DNM3: variants seen among roughly 807,000 people sequenced by gnomAD.
DNM3 encodes the protein dynamin 3.
In DNM3, 47 loss-of-function variants were observed where a neutral mutation model predicts 101.6. That is an observed-to-expected ratio of 0.46 (90% CI 0.37 to 0.59). The LOEUF is 0.59. Ranked by LOEUF, DNM3 falls within the 20% of genes least tolerant of loss-of-function variation. DNM3 has a pLI of 0.00. For missense variants in DNM3, 849 were observed against 1,085.7 expected, an observed-to-expected ratio of 0.78 and a Z score of 3.06; for synonymous variants, 385 against 387.9, an observed-to-expected ratio of 0.99 and a Z score of 0.09.
At chr1:172,230,643 T>G (rs2061300317) in intron 14 of DNM3, among the ~76,000 whole-genome samples, 1 of 152,198 alleles carries the variant, frequency 6.6e-6, no homozygotes, top group Non-Finnish European at 1.5e-5. Flanking sequence ...TATTACAGCT[T>G]GAATGTTAAA....
At chr1:172,388,937 G>A (rs2069360705) in intron 20 of DNM3, 128 bp downstream of exon 20, 3 of 804,150 alleles carry the variant, frequency 3.7e-6, no homozygotes, top group Non-Finnish European at 3.9e-6. Context: ...TTTTCACAAT[G>A]AACAGAGACT....
intron 19 of DNM3, among the ~76,000 whole-genome samples, chr1:172,387,979 T>C (rs1220645740): frequency 1.3e-5 from 2 of 151,742 alleles, no homozygotes; most frequent in African/African-American, 4.8e-5. Context: ...CACGCCTGTA[T>C]TCCCAGCACT....
chr1:172,348,565 A>G (rs2067052769), intron 17 of DNM3, among the ~76,000 whole-genome samples: 1 of 152,222 alleles, frequency 6.6e-6, no homozygotes, highest in Non-Finnish European at 1.5e-5. Flanking sequence ...AAAATTTTTC[A>G]CACATTTATG....
intron 17 of DNM3, among the ~76,000 whole-genome samples, chr1:172,368,363 C>T (rs1167183594): frequency 6.6e-6 from 1 of 151,754 alleles, no homozygotes. Flanking sequence ...AAACAACATG[C>T]TCCAAAACAA....
At chr1:172,202,145 T>C (rs188604573) in intron 14 of DNM3, among the ~76,000 whole-genome samples, 141 of 152,316 alleles carry the variant, frequency 9.3e-4, no homozygotes, top group Non-Finnish European at 1.6e-3. Context: ...TTCCTCTCCA[T>C]GAGAGGCATG....
rs372595171 is a variant in DNM3 at position 172,281,091 on chromosome 1, G to GTGTA, written c.1769+27410_1769+27411insGTAT. ...ATTGTGTGTGTGTGTGTGTGTGTGT[G>GTGTA]TATGTGTGATAATGGAGAGAGTGTG... is the stretch of plus-strand genomic sequence containing the variant. On this transcript the variant is annotated intron_variant, in intron 15 of 20. Coordinates refer to ENST00000627582, the MANE Select transcript of DNM3 (RefSeq NM_015569.5). Among the ~76,000 whole-genome samples, 710 of 151,986 alleles carry GTGTA rather than the reference G, an allele frequency of 4.7e-3. 3 individuals are homozygous for GTGTA. The highest frequency in any genetic ancestry group is 0.016 in the African/African-American group (671 of 41,388).
chr1:172,127,221 G>A (rs1230709789), intron 13 of DNM3, among the ~76,000 whole-genome samples: 6 of 151,782 alleles, frequency 4.0e-5, no homozygotes, highest in Admixed American at 1.3e-4. Flanking sequence ...TGCTCCTCAC[G>A]AAGGACTTAC....
chr1:172,261,568 G>A (rs1301402773), intron 15 of DNM3, among the ~76,000 whole-genome samples: 1 of 152,240 alleles, frequency 6.6e-6, no homozygotes, highest in Non-Finnish European at 1.5e-5. Flanking sequence ...CCTCCAGGTT[G>A]CTTTCTCAGA....
At chr1:172,053,257 G>A (rs182099290) in intron 10 of DNM3, among the ~76,000 whole-genome samples, 1 of 151,560 alleles carries the variant, frequency 6.6e-6, no homozygotes, top group East Asian at 1.9e-4. Flanking sequence ...TCCTTCTTTT[G>A]ACATTTGCAT....
chr1:172,156,256 A>G (rs2058333382), intron 14 of DNM3, among the ~76,000 whole-genome samples: 1 of 152,062 alleles, frequency 6.6e-6, no homozygotes, highest in Admixed American at 6.6e-5. Context: ...TGACCACCCC[A>G]GTGTTTATGG....
intron 14 of DNM3, among the ~76,000 whole-genome samples, chr1:172,154,948 AT>A (rs1462551418): frequency 6.6e-6 from 1 of 152,094 alleles, no homozygotes; most frequent in East Asian, 1.9e-4. Context: ...CTAAGTTTTA[AT>A]ATAGCTATTT....
chr1:172,033,205 G>T lies in DNM3; in HGVS notation c.789G>T (p.Pro263=), dbSNP rs749873284. Residue 263 remains proline, a synonymous_variant, in exon 6 of 21, where the codon CCG becomes CCT. Transcript: ENST00000627582. ...LAERKFFLSH[P]AYRHIADRMG... ...AGAGGAAGTTTTTCCTTTCCCACCC[G>T]GCTTACAGACATATCGCTGACCGAA... The T allele has an allele frequency of 1.2e-6, 2 of 1,608,772 alleles. No individual in the cohort carries two copies. The highest frequency in any genetic ancestry group is 2.2e-5 in the South Asian group (2 of 89,810).
intron 14 of DNM3, among the ~76,000 whole-genome samples, chr1:172,170,960 T>C (rs1231860555): frequency 1.3e-5 from 2 of 151,818 alleles, no homozygotes; most frequent in African/African-American, 2.4e-5. Flanking sequence ...TCTATACTGT[T>C]AGAAATAGTG....
chr1:171,847,540 A>G (rs1007336486), intron 1 of DNM3, among the ~76,000 whole-genome samples: 6 of 151,858 alleles, frequency 4.0e-5, no homozygotes, highest in South Asian at 4.2e-4. Context: ...CAGCAAGGAA[A>G]AAAAAAGAGA....
At chr1:172,180,977 A>G (rs1374393624) in intron 14 of DNM3, among the ~76,000 whole-genome samples, 1 of 152,074 alleles carries the variant, frequency 6.6e-6, no homozygotes, top group Non-Finnish European at 1.5e-5. Flanking sequence ...TTTTGTTGTC[A>G]ACTGGCAAGT....
intron 17 of DNM3, among the ~76,000 whole-genome samples, chr1:172,370,785 C>T (rs1024118329): frequency 6.6e-6 from 1 of 151,918 alleles, no homozygotes; most frequent in East Asian, 1.9e-4. Context: ...ATTTATTTCT[C>T]CCTGTACTTC....
chr1:171,846,616 C>G (rs1415628594), intron 1 of DNM3, among the ~76,000 whole-genome samples: 2 of 152,112 alleles, frequency 1.3e-5, no homozygotes, highest in Non-Finnish European at 2.9e-5. Flanking sequence ...CTTCAAGTAT[C>G]TAGAAAGAAA....
rs116760331 is a variant in DNM3, at chr1:172,134,903, C to T, written c.1659+3615C>T. On this transcript the variant is annotated intron_variant, in intron 14 of 20. Transcript: ENST00000627582. ...TGTGACTGGAGCAAAAAGAGAAAGG[C>T]ACTCTAAAGATGAGGATTTTGATAT... Among the ~76,000 whole-genome samples, 1,107 of 152,204 alleles carry T rather than the reference C, an allele frequency of 7.3e-3. 17 individuals are homozygous for T. Among genetic ancestry groups the T allele is most frequent in the African/African-American group, 0.025 (1,030 of 41,530 alleles).
intron 2 of DNM3, among the ~76,000 whole-genome samples, chr1:171,961,497 A>ACATT (rs2043207417): frequency 6.6e-6 from 1 of 152,200 alleles, no homozygotes; most frequent in South Asian, 2.1e-4. Flanking sequence ...CATTATTGGT[A>ACATT]GGAATGGAAA....
Sources: gnomAD v4.1 joint callset for allele counts (sites outside exome capture counted in the v4.1 genomes callset) on GRCh38, gnomAD v4.1.1 for gene constraint, MANE v1.5 for transcripts, NCBI Gene and HGNC (gene_info 2026-07-23, HGNC 2026-07-21) for gene names.